FBXL7: variants seen among roughly 807,000 people sequenced by gnomAD.
The protein encoded by FBXL7 is F-box/LRR-repeat protein 7.
Under a neutral mutation model 38.3 loss-of-function variants are expected in FBXL7, and 12 were observed. The ratio of observed to expected loss-of-function variants is 0.31; its 90% confidence interval spans 0.20 to 0.51. FBXL7 has a LOEUF of 0.51. Among genes scored for constraint, FBXL7 ranks in the 20% least tolerant of loss-of-function variants. The pLI is 0.98. For missense variants in FBXL7, 567 were observed against 676.4 expected (o/e 0.84, Z 1.79); for synonymous variants, 297 against 300.9 (o/e 0.99, Z 0.13).
chr5:15,787,861 T>G (rs1180642302), intron 2 of FBXL7, among the ~76,000 whole-genome samples: 1 of 152,172 alleles, frequency 6.6e-6, no homozygotes, highest in Non-Finnish European at 1.5e-5. Context: ...CTGTCTTAAT[T>G]TCCTAGGGCT....
chr5:15,819,786 G>T (rs184186326), intron 2 of FBXL7, among the ~76,000 whole-genome samples: 4 of 152,142 alleles, frequency 2.6e-5, no homozygotes, highest in Non-Finnish European at 5.9e-5. Context: ...GTACTTCACC[G>T]CACAAGCCCT....
At chr5:15,889,330 T>G (rs183017437) in intron 2 of FBXL7, among the ~76,000 whole-genome samples, 33 of 152,326 alleles carry the variant, frequency 2.2e-4, no homozygotes, top group African/African-American at 7.9e-4. Flanking sequence ...TAAGATTCCT[T>G]GCTGTGTGAC....
chr5:15,647,355 G>A (rs1242450789), intron 2 of FBXL7, among the ~76,000 whole-genome samples: 1 of 152,222 alleles, frequency 6.6e-6, no homozygotes, highest in African/African-American at 2.4e-5. Flanking sequence ...CAGACACCAA[G>A]TCCAGTGCTC....
chr5:15,930,832 A>T (rs1432595780), intron 3 of FBXL7, among the ~76,000 whole-genome samples: 2 of 152,206 alleles, frequency 1.3e-5, no homozygotes, highest in African/African-American at 4.8e-5. Context: ...TGGATTTGTC[A>T]TCAGCACCTA....
At chr5:15,594,995 T>C (rs1236205763) in intron 1 of FBXL7, among the ~76,000 whole-genome samples, 1 of 152,174 alleles carries the variant, frequency 6.6e-6, no homozygotes, top group Non-Finnish European at 1.5e-5. Flanking sequence ...CACCCTGACC[T>C]TTTTGCTTTT....
chr5:15,821,973 C>T (rs1174846499), intron 2 of FBXL7, among the ~76,000 whole-genome samples: 1 of 152,086 alleles, frequency 6.6e-6, no homozygotes, highest in Non-Finnish European at 1.5e-5. Context: ...TATTTGAGAC[C>T]AAGCTCTGTT....
intron 2 of FBXL7, among the ~76,000 whole-genome samples, chr5:15,659,273 G>A (rs1741983231): frequency 6.6e-6 from 1 of 151,886 alleles, no homozygotes; most frequent in African/African-American, 2.4e-5. Flanking sequence ...AACAGGCAAT[G>A]CAGTGAAGGA....
intron 2 of FBXL7, among the ~76,000 whole-genome samples, chr5:15,874,808 A>G (rs11133824): frequency 0.59 from 89,296 of 152,022 alleles, 26,486 homozygotes; most frequent in Non-Finnish European, 0.64. Context: ...TGGATAGGAA[A>G]AATAAATATT....
At chr5:15,764,460 A>C (rs1736531843) in intron 2 of FBXL7, among the ~76,000 whole-genome samples, 1 of 152,236 alleles carries the variant, frequency 6.6e-6, no homozygotes, top group Admixed American at 6.5e-5. Context: ...GGTGTAAAGA[A>C]GTAAGAAGGG....
intron 2 of FBXL7, among the ~76,000 whole-genome samples, chr5:15,628,545 C>G (rs569449370): frequency 2.4e-4 from 36 of 152,232 alleles, no homozygotes; most frequent in African/African-American, 8.7e-4. Context: ...TGTTCATTTG[C>G]CTTTTGTGTT....
intron 1 of FBXL7, among the ~76,000 whole-genome samples, chr5:15,568,475 G>A (rs1316255829): frequency 3.3e-5 from 5 of 151,998 alleles, no homozygotes; most frequent in Non-Finnish European, 7.4e-5. Context: ...GTTCATTGTA[G>A]ATTCTGGATA....
At chr5:15,875,405 G>C (rs1024472330) in intron 2 of FBXL7, among the ~76,000 whole-genome samples, 2 of 152,156 alleles carry the variant, frequency 1.3e-5, no homozygotes, top group Non-Finnish European at 2.9e-5. Flanking sequence ...TGACAAATAG[G>C]ATCTAATTAA....
intron 3 of FBXL7, among the ~76,000 whole-genome samples, chr5:15,934,247 C>T (rs1368004283): frequency 6.6e-6 from 1 of 152,174 alleles, no homozygotes; most frequent in East Asian, 1.9e-4. Context: ...TCAAGCAATC[C>T]ACCCGCCTGG....
rs148061956 is a variant in FBXL7, at chr5:15,658,684, G to C, written c.127+42612G>C. Among the ~76,000 whole-genome samples the C allele has an allele frequency of 8.6e-3, 1,312 of 152,148 alleles. 13 individuals are homozygous for C. Among genetic ancestry groups the C allele is most frequent in the African/African-American group, 0.03 (1,245 of 41,502 alleles). ...GGGTCCACTTGAGAGGGTTGTGATC[G>C]ATTGAGCAAGCAGGGGGTATGTGAC... On this transcript the variant is annotated intron_variant, in intron 2 of 3. Coordinates refer to ENST00000504595, the MANE Select transcript of FBXL7 (RefSeq NM_012304.5).
At chr5:15,870,413 G>A (rs1739903745) in intron 2 of FBXL7, among the ~76,000 whole-genome samples, 1 of 152,224 alleles carries the variant, frequency 6.6e-6, no homozygotes, top group South Asian at 2.1e-4. Context: ...ATTTGAAGAG[G>A]GAGAATGGAG....
At chr5:15,720,064 G>A (rs1035182189) in intron 2 of FBXL7, among the ~76,000 whole-genome samples, 1 of 148,984 alleles carries the variant, frequency 6.7e-6, no homozygotes, top group Non-Finnish European at 1.5e-5. Flanking sequence ...CAAAGGAATG[G>A]CCACAATTGC....
intron 2 of FBXL7, among the ~76,000 whole-genome samples, chr5:15,704,527 A>G (rs1385834811): frequency 6.6e-6 from 1 of 152,238 alleles, no homozygotes; most frequent in African/African-American, 2.4e-5. Context: ...ACTATGATGC[A>G]GAGCTCCATG....
At chr5:15,702,294 G>A (rs925547918) in intron 2 of FBXL7, among the ~76,000 whole-genome samples, 4 of 151,774 alleles carry the variant, frequency 2.6e-5, no homozygotes, top group African/African-American at 9.7e-5. Context: ...ACTGAAGGCT[G>A]TCATGGCTCA....
intron 1 of FBXL7, among the ~76,000 whole-genome samples, chr5:15,577,384 GTCT>G (rs1267453220): frequency 1.6e-4 from 24 of 152,262 alleles, no homozygotes; most frequent in Admixed American, 1.4e-3. Flanking sequence ...GAGTGCCACT[GTCT>G]TATCAGAGAA....
Sources: allele counts gnomAD v4.1 joint callset (sites outside exome capture counted in the v4.1 genomes callset), GRCh38; gene constraint gnomAD v4.1.1; transcripts MANE v1.5; gene names NCBI Gene and HGNC (gene_info 2026-07-23, HGNC 2026-07-21).